CAPN8: variants seen among roughly 807,000 people sequenced by gnomAD.
CAPN8 encodes the protein calpain 8.
In CAPN8, 87 loss-of-function variants were observed where a neutral mutation model predicts 80.9. The observed-to-expected ratio is 1.07, with a 90% confidence interval of 0.90 to 1.28. CAPN8 has a LOEUF of 1.28. CAPN8 is among the 50% of genes most tolerant of loss of function. CAPN8 has a pLI of 0.00. For missense variants in CAPN8, 757 were observed against 702.0 expected (o/e 1.08, Z -0.89); for synonymous variants, 299 against 273.8 (o/e 1.09, Z -0.91).
chr1:223,609,279 A>G lies in CAPN8; in HGVS notation c.1409T>C (p.Leu470Pro). 2.5e-6 allele frequency: 1 copy of G among 398,548 alleles called. No individual in the cohort carries two copies. Among genetic ancestry groups the G allele is most frequent in the Non-Finnish European group, 4.4e-6 (1 of 226,090 alleles). The allele number at this position is 398,548 out of a possible 1,614,324, so 24.7% of individuals were successfully genotyped here. ...PSARTSTYVN[L>P]REVSGRARLP... is the part of the protein sequence containing the mutation. ...CCGGGCCCGGCCAGAGACCTCCCGC[A>G]GGTTGACGTAGGTGCTGGTGCGGGC... is the stretch of plus-strand genomic sequence containing the variant. Residue 470 changes from leucine (L) to proline (P), a missense_variant, in exon 12 of 21, where the codon CTG becomes CCG. Leu to Pro is a moderately conservative substitution (Grantham distance 98). Transcript: ENST00000366872.
chr1:223,552,973 C>T (rs1656829530), intron 14 of CAPN8, among the ~76,000 whole-genome samples: 1 of 152,128 alleles, frequency 6.6e-6, no homozygotes, highest in African/African-American at 2.4e-5. Flanking sequence ...GGGTTTTATT[C>T]AATGGCTATG....
chr1:223,653,020 A>G (rs752218069), intron 2 of CAPN8, among the ~76,000 whole-genome samples: 1 of 151,966 alleles, frequency 6.6e-6, no homozygotes, highest in Non-Finnish European at 1.5e-5. Context: ...TACCTTTCCC[A>G]AAGTTAAAAC....
At position 223,622,872 on chromosome 1, in the gene CAPN8, A is replaced by G. The variant is rs1048095267; in HGVS notation, c.842T>C (p.Leu281Pro). The G allele has an allele frequency of 1.9e-6, 3 of 1,551,634 alleles. No homozygotes were observed. The highest frequency in any genetic ancestry group is 1.4e-5 in the African/African-American group (1 of 73,066). The change falls in exon 7 of 21, where the codon CTG becomes CCG. Residue 281 changes from leucine (L) to proline (P), a missense_variant. Leu to Pro is a moderately conservative substitution (Grantham distance 98). Transcript: ENST00000366872. ...EVNFQGHPEK[L>P]IRLRNPWGEV... ...ACCCCATGGATTCCTGAGTCTGATCAGCTTCTCTGGATGGCCCTGGAAATT... is the reference window on the plus strand; with the variant it reads ...ACCCCATGGATTCCTGAGTCTGATCGGCTTCTCTGGATGGCCCTGGAAATT...
intron 10 of CAPN8, among the ~76,000 whole-genome samples, chr1:223,614,972 T>C (rs969881993): frequency 6.6e-6 from 1 of 152,252 alleles, no homozygotes. Flanking sequence ...ACTCCCATTC[T>C]TCAACATAAA....
intron 2 of CAPN8, among the ~76,000 whole-genome samples, chr1:223,653,001 C>T (rs1489780347): frequency 6.6e-6 from 1 of 151,866 alleles, no homozygotes; most frequent in Non-Finnish European, 1.5e-5. Flanking sequence ...GGAAAAGGTA[C>T]TTATTAAATA....
intron 1 of CAPN8, 51 bp downstream of exon 1, chr1:223,665,359 G>T (rs1434374845): frequency 6.2e-6 from 9 of 1,442,800 alleles, no homozygotes; most frequent in Non-Finnish European, 8.5e-6. Flanking sequence ...CTGATCAGAT[G>T]TAAGGCCCCT....
chr1:223,613,077 G>A (rs545253641), intron 10 of CAPN8, among the ~76,000 whole-genome samples: 1 of 152,290 alleles, frequency 6.6e-6, no homozygotes, highest in East Asian at 1.9e-4. Context: ...GGCTAGAGAA[G>A]AGGATTCAGA....
At chr1:223,618,092 C>T (rs1657254989) in intron 9 of CAPN8, 3 of 787,816 alleles carry the variant, frequency 3.8e-6, no homozygotes, top group African/African-American at 3.5e-5. Flanking sequence ...GTGACTGGCC[C>T]TGCCCCATGC....
chr1:223,546,885 G>GGTGGTTGTTGTTGTT (rs973883560), intron 16 of CAPN8, among the ~76,000 whole-genome samples: 63 of 150,022 alleles, frequency 4.2e-4, no homozygotes, highest in Admixed American at 7.3e-4. Flanking sequence ...TTTGTTTTGT[G>GGTGGTTGTTGTTGTT]GTTGTTGTTG....
intron 15 of CAPN8, 177 bp from the exon 16 acceptor site, chr1:223,549,559 G>T: frequency 1.1e-6 from 1 of 927,912 alleles, no homozygotes; most frequent in Non-Finnish European, 1.7e-6. Flanking sequence ...TGAGCCTCCT[G>T]GTGCCGTGGG....
intron 2 of CAPN8, among the ~76,000 whole-genome samples, chr1:223,646,038 A>T (rs1658182262): frequency 6.6e-6 from 1 of 152,076 alleles, no homozygotes; most frequent in Non-Finnish European, 1.5e-5. Context: ...AATAGACTGC[A>T]CTCTGTACAG....
intron 6 of CAPN8, among the ~76,000 whole-genome samples, chr1:223,624,368 T>G (rs1480613255): frequency 6.6e-6 from 1 of 152,192 alleles, no homozygotes; most frequent in African/African-American, 2.4e-5. Context: ...TGGATTGATG[T>G]ATTTTACTTA....
intron 2 of CAPN8, chr1:223,642,584 G>A (rs1658074072): frequency 3.0e-6 from 1 of 331,756 alleles, no homozygotes; most frequent in Non-Finnish European, 5.9e-6. Flanking sequence ...GCTTCCAGGA[G>A]CTACAGAGCA....
chr1:223,655,329 C>T (rs1658458114), intron 1 of CAPN8, among the ~76,000 whole-genome samples: 1 of 152,166 alleles, frequency 6.6e-6, no homozygotes, highest in Non-Finnish European at 1.5e-5. Context: ...CCTCCACTCA[C>T]CTATCTCAAC....
At chr1:223,553,499 C>T (rs1264674322) in intron 14 of CAPN8, among the ~76,000 whole-genome samples, 1 of 152,170 alleles carries the variant, frequency 6.6e-6, no homozygotes, top group Admixed American at 6.5e-5. Flanking sequence ...AGAGGTTTTG[C>T]CATCCCAGCT....
chr1:223,625,118 A>T (rs148999410), intron 6 of CAPN8, among the ~76,000 whole-genome samples: 97 of 152,304 alleles, frequency 6.4e-4, no homozygotes, highest in African/African-American at 1.6e-3. Context: ...AAAATAAAAA[A>T]AAATAATGAC....
chr1:223,653,250 C>T (rs568385070), intron 2 of CAPN8, among the ~76,000 whole-genome samples: 1 of 151,414 alleles, frequency 6.6e-6, no homozygotes, highest in African/African-American at 2.4e-5. Context: ...TGCGGCACCC[C>T]GAATCGTTCC....
At chr1:223,551,511 C>A (rs1054728000) in intron 14 of CAPN8, among the ~76,000 whole-genome samples, 8 of 152,236 alleles carry the variant, frequency 5.3e-5, no homozygotes, top group African/African-American at 1.9e-4. Flanking sequence ...GGGATCCCAG[C>A]AGCCTGGCCA....
intron 2 of CAPN8, among the ~76,000 whole-genome samples, chr1:223,639,411 G>A (rs143841348): frequency 6.6e-6 from 1 of 152,320 alleles, no homozygotes; most frequent in African/African-American, 2.4e-5. Flanking sequence ...CACAAGGAGA[G>A]TGCCTTCTGT....
Sources: allele counts gnomAD v4.1 joint callset (sites outside exome capture counted in the v4.1 genomes callset), GRCh38; gene constraint gnomAD v4.1.1; transcripts MANE v1.5; gene names NCBI Gene and HGNC (gene_info 2026-07-23, HGNC 2026-07-21).